Variants in DHH observed in about 807,000 individuals in gnomAD.
DHH encodes the protein desert hedgehog signaling molecule, also known as desert hedgehog protein.
Under a neutral mutation model 27.6 loss-of-function variants are expected in DHH, and 16 were observed. The ratio of observed to expected loss-of-function variants is 0.58; its 90% confidence interval spans 0.39 to 0.88. The LOEUF (loss-of-function observed/expected upper bound fraction) is 0.88, where lower values mean the gene tolerates loss of function less well. Among genes scored for constraint, DHH ranks in the 40% least tolerant of loss-of-function variants. The pLI is 0.00. For synonymous variants in DHH, 289 were observed against 263.4 expected (o/e 1.10, Z -0.94); for missense variants, 436 against 563.1 (o/e 0.77, Z 2.28).
At position 49,089,647 on chromosome 12, in the gene DHH, A is replaced by C. The variant is rs946330027; in HGVS notation, c.*212T>G. The C allele has an allele frequency of 2.1e-6, 1 of 482,762 alleles. No homozygotes were observed. The highest frequency in any genetic ancestry group is 5.3e-4 in the Middle Eastern group (1 of 1,876). 29.9% of individuals were successfully genotyped at this position (482,762 alleles called of 1,614,324 possible). On this transcript the variant is annotated 3_prime_UTR_variant, in exon 3 of 3. Coordinates refer to ENST00000649637, the MANE Select transcript of DHH (RefSeq NM_021044.4). The stretch of plus-strand genomic sequence containing the variant: ...GGGGAGAGGCTAAATAGTCCTCTTT[A>C]AGGAGTGCGCACCATCAGCCCTACC...
At chr12:49,093,644 C>G (rs2120837346) in intron 1 of DHH, among the ~76,000 whole-genome samples, 1 of 152,270 alleles carries the variant, frequency 6.6e-6, no homozygotes, top group Admixed American at 6.5e-5. Context: ...CTAGAATAGA[C>G]CCTAGAATAG....
rs1490366562 is a variant in DHH, at chr12:49,090,276, G to C, written c.774C>G (p.Thr258=). 6.3e-7 allele frequency: 1 copy of C among 1,577,190 alleles called. No individual in the cohort carries two copies. The highest frequency in any genetic ancestry group is 1.3e-5 in the African/African-American group (1 of 74,482). ...GCAACAGTTTGCGTGGAGGCCACTC[G>C]GTCTCCACAGCCACAAATGAAGCCC... ...QRRASFVAVE[T]EWPPRKLLLT... The change falls in exon 3 of 3, where the codon ACC becomes ACG. Residue 258 remains threonine, a synonymous_variant. Transcript: ENST00000649637. The surrounding 1 kb of genome is among the most constrained non-coding windows in gnomAD (Gnocchi z 5.2).
In DHH at chr12:49,094,386, G is replaced by A; in HGVS notation, c.127C>T (p.Leu43=). ...RRYARKQLVP[L]LYKQFVPGVP... ...CCGGGCACAAATTGCTTGTAGAGTA[G>A]CGGCACGAGCTGCTTGCGCGCATAG... The change falls in exon 1 of 3, where the codon CTA becomes TTA. Residue 43 remains leucine, a synonymous_variant. Coordinates refer to ENST00000649637, the MANE Select transcript of DHH (RefSeq NM_021044.4). 6.2e-7 allele frequency: 1 copy of A among 1,612,546 alleles called. No homozygotes were observed. The highest frequency in any genetic ancestry group is 2.2e-5 in the East Asian group (1 of 44,860).
In DHH at chr12:49,094,400, T is replaced by C; in HGVS notation, c.113A>G (p.Lys38Arg). The C allele has an allele frequency of 1.9e-6, 3 of 1,611,934 alleles. No individual in the cohort carries two copies. Among genetic ancestry groups the C allele is most frequent in the Non-Finnish European group, 2.5e-6 (3 of 1,179,394 alleles). Residue 38 changes from lysine to arginine, a missense_variant, in exon 1 of 3, where the codon AAG becomes AGG. Coordinates refer to ENST00000649637, the MANE Select transcript of DHH (RefSeq NM_021044.4). ...GPVGRRRYARKQLVPLLYKQF... is the reference protein window; with the variant it reads ...GPVGRRRYARRQLVPLLYKQF... ...CTTGTAGAGTAGCGGCACGAGCTGC[T>C]TGCGCGCATAGCGGCGCCGGCCAAC...
intron 1 of DHH, among the ~76,000 whole-genome samples, chr12:49,092,612 G>A (rs1288632119): frequency 6.6e-6 from 1 of 152,226 alleles, no homozygotes; most frequent in African/African-American, 2.4e-5. Context: ...GTTGGGTGGG[G>A]GGAAAACAGG....
chr12:49,090,176 G>T lies in DHH; in HGVS notation c.874C>A (p.Arg292Ser), dbSNP rs1458611896. ...ACCGAGTCCCCAGCGCGTAGCCGGCGCGCGAACACCGGTGCAAAGTCGCCT... is the reference window on the plus strand; with the variant it reads ...ACCGAGTCCCCAGCGCGTAGCCGGCTCGCGAACACCGGTGCAAAGTCGCCT... Reference protein sequence around the residue: ...APGDFAPVFARRLRAGDSVLA... With the variant: ...APGDFAPVFASRLRAGDSVLA... Residue 292 changes from arginine (R) to serine (S), a missense_variant, in exon 3 of 3, where the codon CGC (arginine) becomes AGC (serine). Arg to Ser is a moderately radical substitution (Grantham distance 110). Transcript: ENST00000649637. The surrounding 1 kb of genome is among the most constrained non-coding windows in gnomAD (Gnocchi z 5.2). 5.2e-6 allele frequency: 8 copies of T among 1,545,436 alleles called. No individual in the cohort carries two copies. Among genetic ancestry groups the T allele is most frequent in the Non-Finnish European group, 7.0e-6 (8 of 1,144,284 alleles).
In DHH at chr12:49,090,404, G is replaced by T; in HGVS notation, c.646C>A (p.Leu216Met). 1 of 1,609,772 alleles carries T rather than the reference G, an allele frequency of 6.2e-7. No homozygotes were observed. The highest frequency in any genetic ancestry group is 8.5e-7 in the Non-Finnish European group (1 of 1,179,056). Residue 216 changes from leucine (L) to methionine (M), a missense_variant, in exon 3 of 3, where the codon CTG becomes ATG. By Grantham distance (15) the Leu-to-Met change is conservative. Transcript: ENST00000649637. The surrounding 1 kb of genome is among the most constrained non-coding windows in gnomAD (Gnocchi z 5.2). ...VRLWSGERKG[L>M]RELHRGDWVL... is the part of the protein sequence containing the mutation. Reference sequence around the variant, plus strand: ...CAGTCTCCGCGGTGCAGTTCCCGCAGCCCTTTCCGCTCGCCGCTCCACAGG... The same window carrying T: ...CAGTCTCCGCGGTGCAGTTCCCGCATCCCTTTCCGCTCGCCGCTCCACAGG...
intron 1 of DHH, among the ~76,000 whole-genome samples, chr12:49,093,486 C>T (rs1484697648): frequency 6.6e-6 from 1 of 152,170 alleles, no homozygotes; most frequent in Non-Finnish European, 1.5e-5. Flanking sequence ...TTGAATTTAT[C>T]CTAATTATGT....
chr12:49,091,141 C>T lies in DHH; in HGVS notation c.552G>A (p.Val184=), dbSNP rs865844914. 2 of 1,614,250 alleles carry T rather than the reference C, an allele frequency of 1.2e-6. No individual in the cohort carries two copies. Among genetic ancestry groups the T allele is most frequent in the Middle Eastern group, 1.6e-4 (1 of 6,062 alleles). Residue 184 remains valine, a synonymous_variant, in exon 2 of 3, where the codon GTG becomes GTA. Coordinates refer to ENST00000649637, the MANE Select transcript of DHH (RefSeq NM_021044.4). The surrounding 1 kb of genome is among the most constrained non-coding windows in gnomAD (Gnocchi z 4.8). ...VYYESRNHVH[V]SVKADNSLAV... ...CTCCTACTGTACCAGCTTTGACCGA[C>T]ACGTGGACGTGGTTGCGGGACTCGT...
Position 49,090,224 on chromosome 12 carries a change from C to CG in DHH, c.825dup (p.Ala276ArgfsTer141). 3.2e-6 allele frequency: 5 copies of CG among 1,556,788 alleles called. No individual in the cohort carries two copies. Among genetic ancestry groups the CG allele is most frequent in the Non-Finnish European group, 4.3e-6 (5 of 1,150,832 alleles). On this transcript the variant is annotated frameshift_variant, in exon 3 of 3. Transcript: ENST00000649637. LOFTEE classifies it high-confidence loss of function. The surrounding 1 kb of genome is among the most constrained non-coding windows in gnomAD (Gnocchi z 5.2). ...CCTGGCGCGGGCGCCGGCCCTCGAG[C>CG]GGCAAACACCAGGTGCCAGGGCGTG...
chr12:49,093,784 G>A (rs1390202506), intron 1 of DHH, among the ~76,000 whole-genome samples: 2 of 151,822 alleles, frequency 1.3e-5, no homozygotes, highest in African/African-American at 4.8e-5. Flanking sequence ...TCTTCTTTTC[G>A]GCCCACAGAG....
At chr12:49,093,081 G>A (rs1939333747) in intron 1 of DHH, 1 of 152,158 alleles carries the variant, frequency 6.6e-6, no homozygotes. Context: ...AAGTATATAG[G>A]GCTTAGAATC....
rs1221087685 is a variant in DHH at position 49,090,877 on chromosome 12, T to C, written c.565+251A>G. ...CCACCACGCCCAACTAATTTTCGTA[T>C]TTATAATAGAGACGGGATTTCACCA... On this transcript the variant is annotated intron_variant, in intron 2 of 2. Coordinates refer to ENST00000649637, the MANE Select transcript of DHH (RefSeq NM_021044.4). The surrounding 1 kb of genome is among the most constrained non-coding windows in gnomAD (Gnocchi z 5.2). 2.6e-5 allele frequency among the ~76,000 whole-genome samples: 4 copies of C among 152,152 alleles called. No homozygotes were observed. The highest frequency in any genetic ancestry group is 9.7e-5 in the African/African-American group (4 of 41,432).
At position 49,087,170 on chromosome 12, in the gene DHH, G is replaced by A. The variant is rs1349281143; in HGVS notation, c.*2689C>T. Among the ~76,000 whole-genome samples the A allele has an allele frequency of 6.6e-6, 1 of 151,370 alleles. No individual in the cohort carries two copies. Among genetic ancestry groups the A allele is most frequent in the East Asian group, 1.9e-4 (1 of 5,184 alleles). On this transcript the variant is annotated 3_prime_UTR_variant, in exon 3 of 3. Transcript: ENST00000649637. ...CTGCTGCACCAAGATGGTGCGCATT[G>A]CCGCTTGAAGGCAAGTCATGGATTT...
Position 49,090,389 on chromosome 12 carries a change from G to C in DHH, c.661C>G (p.Arg221Gly), listed in dbSNP as rs774714777. The C allele has an allele frequency of 1.9e-6, 3 of 1,609,614 alleles. No homozygotes were observed. Among genetic ancestry groups the C allele is most frequent in the Admixed American group, 3.4e-5 (2 of 59,672 alleles). ...TCGGCCGCCAAAACCCAGTCTCCGCGGTGCAGTTCCCGCAGCCCTTTCCGC... is the reference window on the plus strand; with the variant it reads ...TCGGCCGCCAAAACCCAGTCTCCGCCGTGCAGTTCCCGCAGCCCTTTCCGC... ...GERKGLRELH[R>G]GDWVLAADAS... Residue 221 changes from arginine (R) to glycine (G), a missense_variant, in exon 3 of 3, where the codon CGC becomes GGC. Transcript: ENST00000649637. The surrounding 1 kb of genome is among the most constrained non-coding windows in gnomAD (Gnocchi z 5.2).
intron 1 of DHH, chr12:49,093,156 T>C (rs1430892826): frequency 1.3e-5 from 2 of 152,182 alleles, no homozygotes; most frequent in African/African-American, 4.8e-5. Flanking sequence ...TTGCTTTTCC[T>C]CCTGGGGGAA....
chr12:49,089,796 C>T lies in DHH; in HGVS notation c.*63G>A. ...TCGGCATCGTCTGCTGCCCACAGCC[C>T]CATATCTCAGCCAGCAGGCCCTCGT... On this transcript the variant is annotated 3_prime_UTR_variant, in exon 3 of 3. Coordinates refer to ENST00000649637, the MANE Select transcript of DHH (RefSeq NM_021044.4). 8 of 1,466,640 alleles carry T rather than the reference C, an allele frequency of 5.5e-6. No homozygotes were observed. Among genetic ancestry groups the T allele is most frequent in the Non-Finnish European group, 7.2e-6 (8 of 1,104,810 alleles). 90.9% of individuals were successfully genotyped at this position (1,466,640 alleles called of 1,614,324 possible).
rs1032068643 is a variant in DHH at position 49,086,906 on chromosome 12, G to C, written c.*2953C>G. 7.2e-5 allele frequency among the ~76,000 whole-genome samples: 11 copies of C among 152,188 alleles called. No individual in the cohort carries two copies. Among genetic ancestry groups the C allele is most frequent in the African/African-American group, 2.7e-4 (11 of 41,446 alleles). On this transcript the variant is annotated 3_prime_UTR_variant, in exon 3 of 3. Transcript: ENST00000649637. ...TTGCACGACTGATGCTTTTAGTGGA[G>C]TGGTGAGGAAAGAAGTGATCGGAAG...
chr12:49,094,078 G>T, intron 1 of DHH, 132 bp downstream of exon 1: 1 of 1,044,546 alleles, frequency 9.6e-7, no homozygotes, highest in South Asian at 1.4e-5. Context: ...TCCCCCCCCT[G>T]GGGCTGGTGA....
Sources: gnomAD v4.1 joint callset for allele counts (sites outside exome capture counted in the v4.1 genomes callset) on GRCh38, gnomAD v4.1.1 for gene constraint, Gnocchi (gnomAD v3.1) non-coding constraint, MANE v1.5 for transcripts, NCBI Gene and HGNC (gene_info 2026-07-23, HGNC 2026-07-21) for gene names.